ZNF609: variants seen among roughly 807,000 people sequenced by gnomAD.
ZNF609 encodes zinc finger protein 609.
In ZNF609, 11 loss-of-function variants were observed where a neutral mutation model predicts 109.5. The observed-to-expected ratio is 0.10, with a 90% CI of 0.06 to 0.17. ZNF609 has a LOEUF of 0.17. ZNF609 is among the 10% of genes least tolerant of loss of function. ZNF609 has a pLI of 1.00. For missense variants in ZNF609, 1,559 were observed against 1,772.4 expected (o/e 0.88, Z 2.16); for synonymous variants, 646 against 662.0 (o/e 0.98, Z 0.37).
intron 2 of ZNF609, among the ~76,000 whole-genome samples, chr15:64,548,191 C>T (rs1422034440): frequency 3.9e-5 from 6 of 152,156 alleles, no homozygotes; most frequent in Non-Finnish European, 8.8e-5. Context: ...ATTTTTTCAA[C>T]AGTTACAAAC....
At chr15:64,668,525 G>A (rs1896681765) in intron 3 of ZNF609, among the ~76,000 whole-genome samples, 1 of 152,176 alleles carries the variant, frequency 6.6e-6, no homozygotes, top group Admixed American at 6.6e-5. Flanking sequence ...CAGCACTTTG[G>A]AAAGCCAAGG....
chr15:64,517,016 G>C (rs1340331427), intron 2 of ZNF609, among the ~76,000 whole-genome samples: 1 of 152,048 alleles, frequency 6.6e-6, no homozygotes, highest in Admixed American at 6.5e-5. Flanking sequence ...TGTTTGTCTG[G>C]CTCTTCCTTA....
chr15:64,551,210 G>A (rs1475161795), intron 2 of ZNF609, among the ~76,000 whole-genome samples: 1 of 152,074 alleles, frequency 6.6e-6, no homozygotes, highest in African/African-American at 2.4e-5. Flanking sequence ...CATGCACTCT[G>A]CCCAGCTGGT....
At chr15:64,519,750 A>G (rs2140363542) in intron 2 of ZNF609, among the ~76,000 whole-genome samples, 2 of 152,278 alleles carry the variant, frequency 1.3e-5, no homozygotes, top group South Asian at 4.1e-4. Context: ...TCAGTTATTT[A>G]AACTCTCAAC....
Position 64,676,116 on chromosome 15 carries a change from A to C in ZNF609, c.3262A>C (p.Lys1088Gln), listed in dbSNP as rs1266061559. 1.9e-6 allele frequency: 3 copies of C among 1,614,182 alleles called. No individual in the cohort carries two copies. The Admixed American group carries it at 5.0e-5, about 27-fold the overall frequency. Residue 1088 changes from lysine (K) to glutamine (Q), a missense_variant, in exon 5 of 10, where the codon AAA becomes CAA. Coordinates refer to ENST00000326648, the MANE Select transcript of ZNF609 (RefSeq NM_015042.2). The part of the protein sequence containing the change: ...VIIPKLDDSS[K>Q]LPGQAPEGLK... The stretch of plus-strand genomic sequence containing the variant: ...CATTCCCAAGTTAGATGACTCTTCA[A>C]AACTCCCGGGCCAGGCCCCTGAAGG...
intron 2 of ZNF609, among the ~76,000 whole-genome samples, chr15:64,601,369 C>A (rs1895495472): frequency 6.6e-6 from 1 of 152,140 alleles, no homozygotes; most frequent in African/African-American, 2.4e-5. Context: ...CCCCATCTTA[C>A]AGATGATGAC....
intron 1 of ZNF609, among the ~76,000 whole-genome samples, chr15:64,477,136 CTTTTTT>C (rs911785223): frequency 2.8e-5 from 3 of 105,784 alleles, no homozygotes; most frequent in Non-Finnish European, 5.8e-5. Context: ...TCTTCTCTTT[CTTTTTT>C]TTTTTTTTTT....
At chr15:64,550,458 C>T (rs1894448321) in intron 2 of ZNF609, among the ~76,000 whole-genome samples, 1 of 151,880 alleles carries the variant, frequency 6.6e-6, no homozygotes, top group Admixed American at 6.6e-5. Context: ...CTCTGGGAAG[C>T]CAAGGCAGGA....
chr15:64,611,792 G>A (rs1461117722), intron 2 of ZNF609, among the ~76,000 whole-genome samples: 1 of 150,706 alleles, frequency 6.6e-6, no homozygotes, highest in African/African-American at 2.4e-5. Context: ...GGAGTGCAGT[G>A]GCGCAATCTT....
At chr15:64,537,529 AAG>A (rs1444039076) in intron 2 of ZNF609, among the ~76,000 whole-genome samples, 1 of 151,844 alleles carries the variant, frequency 6.6e-6, no homozygotes, top group African/African-American at 2.4e-5. Flanking sequence ...AAAGAAAAAA[AAG>A]AGCAGAGTGA....
chr15:64,644,644 T>C (rs974143314), intron 3 of ZNF609, among the ~76,000 whole-genome samples: 2 of 152,206 alleles, frequency 1.3e-5, no homozygotes, highest in Non-Finnish European at 2.9e-5. Context: ...AGAAAACTTA[T>C]AAAATGGTTT....
At chr15:64,546,378 G>T (rs1287315017) in intron 2 of ZNF609, among the ~76,000 whole-genome samples, 1 of 152,008 alleles carries the variant, frequency 6.6e-6, no homozygotes, top group Non-Finnish European at 1.5e-5. Flanking sequence ...CCAAGTAGCT[G>T]GGACTACAGG....
Position 64,571,989 on chromosome 15 carries a change from T to TA in ZNF609, c.748-50837dup, listed in dbSNP as rs1894866459. 2.0e-5 allele frequency among the ~76,000 whole-genome samples: 3 copies of TA among 152,266 alleles called. No individual in the cohort carries two copies. In the South Asian group the frequency reaches 6.2e-4, roughly 32 times the overall value. ...GGTTAGGACTGCCTAGGGATATAGA[T>TA]AGCTATTCTACTTAGTGTTGCTGGA... On this transcript the variant is annotated intron_variant, in intron 2 of 9. Transcript: ENST00000326648.
chr15:64,619,925 A>C (rs1895854262), intron 2 of ZNF609, among the ~76,000 whole-genome samples: 1 of 152,192 alleles, frequency 6.6e-6, no homozygotes, highest in Admixed American at 6.5e-5. Context: ...ATGTATTAGC[A>C]TATGTTTCTC....
chr15:64,677,288 C>G (rs185252603), intron 5 of ZNF609, among the ~76,000 whole-genome samples: 2 of 152,278 alleles, frequency 1.3e-5, no homozygotes, highest in Non-Finnish European at 2.9e-5. Flanking sequence ...GTCTTGAACT[C>G]CTGGCCTCAA....
chr15:64,648,499 A>T (rs1896367572), intron 3 of ZNF609, among the ~76,000 whole-genome samples: 1 of 152,122 alleles, frequency 6.6e-6, no homozygotes, highest in Non-Finnish European at 1.5e-5. Context: ...CTCAAACAAA[A>T]CAAACCATAC....
intron 2 of ZNF609, among the ~76,000 whole-genome samples, chr15:64,597,898 C>G (rs1312011970): frequency 6.6e-6 from 1 of 152,158 alleles, no homozygotes; most frequent in African/African-American, 2.4e-5. Flanking sequence ...TCAATCTCTT[C>G]CCTTACCTAC....
intron 1 of ZNF609, among the ~76,000 whole-genome samples, chr15:64,479,748 G>A (rs1429442449): frequency 5.3e-5 from 8 of 151,852 alleles, no homozygotes; most frequent in East Asian, 2.0e-4. Flanking sequence ...GTGAAACCCC[G>A]TCTCTACTAA....
chr15:64,526,691 G>T (rs1893972267), intron 2 of ZNF609, among the ~76,000 whole-genome samples: 2 of 151,916 alleles, frequency 1.3e-5, no homozygotes, highest in Non-Finnish European at 2.9e-5. Flanking sequence ...ACAGCTTACT[G>T]CAATGGCATA....
Sources: allele counts gnomAD v4.1 joint callset (sites outside exome capture counted in the v4.1 genomes callset), GRCh38; gene constraint gnomAD v4.1.1; transcripts MANE v1.5; gene names NCBI Gene and HGNC (gene_info 2026-07-23, HGNC 2026-07-21).